The following MARS1 variants were observed in gnomAD, a reference collection of about 807,000 sequenced individuals.
MARS1 encodes the protein methionine--tRNA ligase, cytoplasmic.
Under a neutral mutation model 119.5 loss-of-function variants are expected in MARS1, and 80 were observed. That is an observed-to-expected ratio of 0.67 (90% CI 0.56 to 0.81). The LOEUF is 0.81. Ranked by LOEUF, MARS1 falls within the 30% of genes least tolerant of loss-of-function variation. The pLI is 0.00. For synonymous variants in MARS1, 418 were observed against 433.4 expected (o/e 0.96, Z 0.44); for missense variants, 945 against 1,116.5 (o/e 0.85, Z 2.19).
rs113090086 is a variant in MARS1 at position 57,515,271 on chromosome 12, C to G, written c.2326C>G (p.Pro776Ala). The change falls in exon 18 of 21, where the codon CCA becomes GCA. Residue 776 changes from proline (P) to alanine (A), a missense_variant. Coordinates refer to ENST00000262027, the MANE Select transcript of MARS1 (RefSeq NM_004990.4). ...TIQAQLQLPP[P>A]ACSILLTNFL... ...CCAGGCCCAGCTGCAGCTCCCACCTCCAGCCTGCAGTATCCTGCTGACAAA... is the reference window on the plus strand; with the variant it reads ...CCAGGCCCAGCTGCAGCTCCCACCTGCAGCCTGCAGTATCCTGCTGACAAA... 1 of 1,614,042 alleles carries G rather than the reference C, an allele frequency of 6.2e-7. No individual in the cohort carries two copies. Among genetic ancestry groups the G allele is most frequent in the Non-Finnish European group, 8.5e-7 (1 of 1,180,040 alleles).
chr12:57,505,366 T>C (rs1877135468), intron 11 of MARS1, among the ~76,000 whole-genome samples: 1 of 152,060 alleles, frequency 6.6e-6, no homozygotes, highest in Non-Finnish European at 1.5e-5. Context: ...TTCACCATGT[T>C]GGCCAGGCTG....
Position 57,516,259 on chromosome 12 carries a change from G to A in MARS1, c.2478G>A (p.Pro826=), listed in dbSNP as rs149241208. Residue 826 remains proline (P), a synonymous_variant, in exon 20 of 21, where the codon CCG becomes CCA. Coordinates refer to ENST00000262027, the MANE Select transcript of MARS1 (RefSeq NM_004990.4). Reference sequence around the variant, plus strand: ...TTGTTCTCCAGGCAAAAACGTCCCCGAAGCCAGCAGTTGTAGAGACTGTTA... The same window carrying A: ...TTGTTCTCCAGGCAAAAACGTCCCCAAAGCCAGCAGTTGTAGAGACTGTTA... ...RFGGGQAKTS[P]KPAVVETVTT... is the part of the protein sequence containing the mutation. The A allele has an allele frequency of 4.7e-5, 76 of 1,614,022 alleles. 2 individuals carry two copies. The South Asian group carries it at 5.3e-4, about 11-fold the overall frequency.
intron 7 of MARS1, among the ~76,000 whole-genome samples, chr12:57,495,106 C>T (rs1876527451): frequency 6.7e-6 from 1 of 148,754 alleles, no homozygotes; most frequent in Non-Finnish European, 1.5e-5. Flanking sequence ...CCCCCCACCT[C>T]CCGGGCTGGG....
intron 1 of MARS1, 118 bp downstream of exon 1, chr12:57,488,317 TCTC>T (rs748291132): frequency 1.8e-5 from 16 of 908,642 alleles, no homozygotes; most frequent in Admixed American, 1.4e-4. Flanking sequence ...ATCGACCACT[TCTC>T]CTATTATCCT....
In MARS1 at chr12:57,515,017, G is replaced by GA; in HGVS notation, c.2165dup (p.Asn722LysfsTer2). Reference sequence around the variant, plus strand: ...GACATGGCAACCAATATATTCAGGTGAATGAGCCCTGGAAGCGGATTAAAG... The same window carrying GA: ...GACATGGCAACCAATATATTCAGGTGAAATGAGCCCTGGAAGCGGATTAAAG... On this transcript the variant is annotated frameshift_variant, in exon 17 of 21. Coordinates refer to ENST00000262027, the MANE Select transcript of MARS1 (RefSeq NM_004990.4). LOFTEE classifies it high-confidence loss of function. The GA allele has an allele frequency of 6.2e-7, 1 of 1,614,190 alleles. No homozygotes were observed. The highest frequency in any genetic ancestry group is 1.3e-5 in the African/African-American group (1 of 75,040).
intron 8 of MARS1, 51 bp downstream of exon 8, chr12:57,498,324 G>A (rs1876742026): frequency 1.3e-6 from 2 of 1,599,730 alleles, no homozygotes; most frequent in Admixed American, 1.7e-5. Context: ...GCGGGTCCCA[G>A]GGGAATAGGA....
intron 7 of MARS1, among the ~76,000 whole-genome samples, chr12:57,492,650 A>G (rs1200541463): frequency 2.0e-5 from 3 of 147,430 alleles, no homozygotes; most frequent in Non-Finnish European, 4.5e-5. Flanking sequence ...CAGCCTGGGC[A>G]ACAGAGCGCG....
chr12:57,490,384 G>A lies in MARS1; in HGVS notation c.663+5G>A, dbSNP rs1875840545. The A allele has an allele frequency of 6.2e-7, 1 of 1,612,544 alleles. No individual in the cohort carries two copies. The highest frequency in any genetic ancestry group is 1.3e-5 in the African/African-American group (1 of 75,004). ...GCTGTCACCAATGAGCCTGAGGTTT[G>A]GAATAGGGCAGAGCCTTGGGGCCTG... On this transcript the variant is annotated splice_donor_5th_base_variant and intron_variant, in intron 6 of 20. Transcript: ENST00000262027.
chr12:57,496,191 T>G (rs1876623095), intron 7 of MARS1, among the ~76,000 whole-genome samples: 1 of 147,268 alleles, frequency 6.8e-6, no homozygotes, highest in Non-Finnish European at 1.5e-5. Context: ...TTTTTTTTTT[T>G]GAAACTGAGT....
chr12:57,504,220 C>T lies in MARS1; in HGVS notation c.1294-5C>T, dbSNP rs149946100. Reference sequence around the variant, plus strand: ...TGATCTGTCCTCTGGAATTTTCCTTCGCAGAAGCCTCAGTGTAAAGTCTGC... The same window carrying T: ...TGATCTGTCCTCTGGAATTTTCCTTTGCAGAAGCCTCAGTGTAAAGTCTGC... On this transcript the variant is annotated splice_region_variant and splice_polypyrimidine_tract_variant and intron_variant, in intron 10 of 20. Coordinates refer to ENST00000262027, the MANE Select transcript of MARS1 (RefSeq NM_004990.4). 693 of 1,613,132 alleles carry T rather than the reference C, an allele frequency of 4.3e-4. 6 individuals carry two copies. In the African/African-American group the frequency reaches 7.9e-3, roughly 18 times the overall value.
chr12:57,515,890 G>A lies in MARS1; in HGVS notation c.2392-30G>A, dbSNP rs369994130. 962 of 1,558,198 alleles carry A rather than the reference G, an allele frequency of 6.2e-4. 4 individuals are homozygous for A. Among genetic ancestry groups the A allele is most frequent in the South Asian group, 1.7e-3 (152 of 89,340 alleles). The stretch of plus-strand genomic sequence containing the variant: ...CTATGGTAGAGTCTGTATCCAATCA[G>A]TAGATGATTCTGGAACTCTTTTTTT... On this transcript the variant is annotated intron_variant, in intron 18 of 20. Coordinates refer to ENST00000262027, the MANE Select transcript of MARS1 (RefSeq NM_004990.4).
chr12:57,492,135 C>T (rs746080470), intron 7 of MARS1, among the ~76,000 whole-genome samples: 1 of 150,158 alleles, frequency 6.7e-6, no homozygotes, highest in South Asian at 2.1e-4. Flanking sequence ...AAAAATTAGC[C>T]GGGCATTGTG....
intron 11 of MARS1, among the ~76,000 whole-genome samples, chr12:57,508,522 G>C (rs924073263): frequency 6.6e-6 from 1 of 152,272 alleles, no homozygotes; most frequent in African/African-American, 2.4e-5. Context: ...CCAGTCAGGC[G>C]TGGCGGCACG....
At chr12:57,493,909 T>TATATA (rs1876426751) in intron 7 of MARS1, among the ~76,000 whole-genome samples, 1 of 64,268 alleles carries the variant, frequency 1.6e-5, no homozygotes, top group African/African-American at 7.0e-5. Flanking sequence ...TTATATAATA[T>TATATA]ATATAATATA....
intron 7 of MARS1, among the ~76,000 whole-genome samples, chr12:57,495,261 G>C (rs889946087): frequency 2.0e-4 from 30 of 150,872 alleles, no homozygotes; most frequent in African/African-American, 7.3e-4. Flanking sequence ...CGGGGCGGGG[G>C]CTGCCCCCCA....
At chr12:57,508,302 A>G (rs552454829) in intron 11 of MARS1, among the ~76,000 whole-genome samples, 50 of 152,334 alleles carry the variant, frequency 3.3e-4, no homozygotes, top group African/African-American at 1.2e-3. Context: ...TGGGAGGCCA[A>G]GGCAGGCAGC....
chr12:57,506,706 C>CCG (rs1288899729), intron 11 of MARS1, among the ~76,000 whole-genome samples: 1 of 151,964 alleles, frequency 6.6e-6, no homozygotes, highest in Non-Finnish European at 1.5e-5. Flanking sequence ...AGATGGAGTC[C>CCG]CGCTCTGTTG....
At position 57,493,800 on chromosome 12, in the gene MARS1, AT is replaced by A. The variant is rs1424039343; in HGVS notation, c.770+3158del. On this transcript the variant is annotated intron_variant, in intron 7 of 20. Transcript: ENST00000262027. ...ATATATATTATATATTATATATTAT[AT>A]TATATAATGTATATTATATATATTA... is the stretch of plus-strand genomic sequence containing the variant. Among the ~76,000 whole-genome samples the A allele has an allele frequency of 5.0e-3, 5 of 998 alleles. 1 individual carries two copies. The highest frequency in any genetic ancestry group is 0.013 in the Non-Finnish European group (4 of 320). The allele number at this position is 998 out of a possible 152,430, so 0.7% of individuals were successfully genotyped here. A position where few individuals can be genotyped will look rare whatever the true frequency, so the allele number is the denominator to read the frequency against.
At chr12:57,492,398 C>T (rs749595064) in intron 7 of MARS1, among the ~76,000 whole-genome samples, 2 of 151,750 alleles carry the variant, frequency 1.3e-5, no homozygotes, top group Non-Finnish European at 2.9e-5. Context: ...CGGCCAGGTG[C>T]GGTGGCTCAT....
Sources: gnomAD v4.1 joint callset for allele counts (sites outside exome capture counted in the v4.1 genomes callset) on GRCh38, gnomAD v4.1.1 for gene constraint, MANE v1.5 for transcripts, NCBI Gene and HGNC (gene_info 2026-07-23, HGNC 2026-07-21) for gene names.